Variants in MIPOL1 observed in about 807,000 individuals in gnomAD.
The protein encoded by MIPOL1 is mirror-image polydactyly gene 1 protein.
In MIPOL1, 57 loss-of-function variants were observed where a neutral mutation model predicts 60.9. The ratio of observed to expected loss-of-function variants is 0.94; its 90% CI spans 0.76 to 1.17. MIPOL1 has a LOEUF of 1.17. MIPOL1 is among the 50% of genes most tolerant of loss of function. MIPOL1 has a pLI of 0.00. For synonymous variants in MIPOL1, 179 were observed against 168.8 expected (o/e 1.06, Z -0.47); for missense variants, 551 against 511.6 (o/e 1.08, Z -0.74).
chr14:37,201,902 A>G (rs760028506), intron 1 of MIPOL1, among the ~76,000 whole-genome samples: 7 of 152,148 alleles, frequency 4.6e-5, no homozygotes, highest in Non-Finnish European at 1.0e-4. Flanking sequence ...TGGTGCAATC[A>G]TAGCTCACTG....
At chr14:37,487,738 A>G (rs1017978818) in intron 11 of MIPOL1, among the ~76,000 whole-genome samples, 1 of 151,458 alleles carries the variant, frequency 6.6e-6, no homozygotes, top group Non-Finnish European at 1.5e-5. Flanking sequence ...TTTCTTCTTT[A>G]TTAGTCTGGC....
chr14:37,373,206 A>G (rs1375418036), intron 10 of MIPOL1, among the ~76,000 whole-genome samples: 1 of 151,880 alleles, frequency 6.6e-6, no homozygotes, highest in African/African-American at 2.4e-5. Context: ...TTTTGTCACA[A>G]TGCCCACACT....
At chr14:37,289,303 G>C (rs1950606209) in intron 7 of MIPOL1, among the ~76,000 whole-genome samples, 2 of 152,204 alleles carry the variant, frequency 1.3e-5, no homozygotes, top group Non-Finnish European at 2.9e-5. Flanking sequence ...GTGGACACCA[G>C]CTGAGTGTCC....
chr14:37,268,033 C>T (rs766058644), intron 4 of MIPOL1, among the ~76,000 whole-genome samples: 3 of 152,056 alleles, frequency 2.0e-5, no homozygotes, highest in Admixed American at 6.6e-5. Flanking sequence ...GATTAAGGAA[C>T]TTTGATAATT....
intron 9 of MIPOL1, among the ~76,000 whole-genome samples, chr14:37,341,559 A>G (rs2090574723): frequency 6.6e-6 from 1 of 152,290 alleles, no homozygotes. Flanking sequence ...CCTAAGTATT[A>G]CTTAAAAAAT....
At chr14:37,235,674 C>G (rs1299990809) in intron 1 of MIPOL1, among the ~76,000 whole-genome samples, 1 of 152,092 alleles carries the variant, frequency 6.6e-6, no homozygotes, top group Non-Finnish European at 1.5e-5. Context: ...AGAAACGTTA[C>G]TGTTAGTAAC....
chr14:37,273,789 C>T (rs2083458793), intron 6 of MIPOL1, among the ~76,000 whole-genome samples: 1 of 151,346 alleles, frequency 6.6e-6, no homozygotes, highest in Non-Finnish European at 1.5e-5. Context: ...GGTTTATCTT[C>T]TCCGATGTAA....
chr14:37,492,161 G>A (rs574066660), intron 11 of MIPOL1, among the ~76,000 whole-genome samples: 1 of 152,190 alleles, frequency 6.6e-6, no homozygotes, highest in Non-Finnish European at 1.5e-5. Flanking sequence ...TTCTTGAAAG[G>A]GTCTTAGCAA....
At chr14:37,235,538 CTATT>C (rs962181510) in intron 1 of MIPOL1, among the ~76,000 whole-genome samples, 4 of 152,002 alleles carry the variant, frequency 2.6e-5, no homozygotes, top group Non-Finnish European at 4.4e-5. Flanking sequence ...TGTTAGAGGA[CTATT>C]TATTAATCAC....
chr14:37,218,418 C>T (rs1237097755), intron 1 of MIPOL1, among the ~76,000 whole-genome samples: 1 of 151,902 alleles, frequency 6.6e-6, no homozygotes, highest in African/African-American at 2.4e-5. Context: ...GAACTCCTGA[C>T]CTCAAGTGAT....
intron 12 of MIPOL1, among the ~76,000 whole-genome samples, chr14:37,538,161 T>C (rs1230991713): frequency 6.6e-6 from 1 of 152,178 alleles, no homozygotes; most frequent in Non-Finnish European, 1.5e-5. Context: ...GCCTTGCAGG[T>C]CTAGCTACAT....
At chr14:37,238,567 T>A (rs1447120027) in intron 1 of MIPOL1, among the ~76,000 whole-genome samples, 2 of 152,178 alleles carry the variant, frequency 1.3e-5, no homozygotes, top group Non-Finnish European at 2.9e-5. Context: ...ATATAAAATG[T>A]CAGGTTAGTC....
At chr14:37,276,250 T>C (rs1406466487) in intron 6 of MIPOL1, 3 of 151,060 alleles carry the variant, frequency 2.0e-5, no homozygotes, top group Non-Finnish European at 4.5e-5. Flanking sequence ...CATGCAAATT[T>C]AGACTGATAT....
chr14:37,485,271 T>G (rs2094930073), intron 11 of MIPOL1, among the ~76,000 whole-genome samples: 1 of 152,244 alleles, frequency 6.6e-6, no homozygotes, highest in Non-Finnish European at 1.5e-5. Flanking sequence ...TTTGCTATTG[T>G]GAACAGTGCC....
intron 6 of MIPOL1, among the ~76,000 whole-genome samples, chr14:37,281,468 G>A (rs1041496679): frequency 2.6e-5 from 4 of 152,080 alleles, no homozygotes; most frequent in Non-Finnish European, 5.9e-5. Context: ...ACAGTGGCAC[G>A]ATCTCAGCTT....
At chr14:37,248,462 G>C (rs1973536998) in intron 3 of MIPOL1, among the ~76,000 whole-genome samples, 1 of 151,734 alleles carries the variant, frequency 6.6e-6, no homozygotes, top group Non-Finnish European at 1.5e-5. Flanking sequence ...TATAGTGAGG[G>C]ACAGAGAAAA....
chr14:37,395,492 T>TTTTA (rs1017900782), intron 10 of MIPOL1, among the ~76,000 whole-genome samples: 6 of 152,120 alleles, frequency 3.9e-5, no homozygotes, highest in Admixed American at 6.6e-5. Flanking sequence ...TTCCTAAATA[T>TTTTA]TTTATTTATT....
chr14:37,351,878 T>C (rs1358513449), intron 9 of MIPOL1, among the ~76,000 whole-genome samples: 1 of 151,484 alleles, frequency 6.6e-6, no homozygotes, highest in Non-Finnish European at 1.5e-5. Context: ...ACTCTGATGG[T>C]AGTTTCTCTT....
intron 10 of MIPOL1, among the ~76,000 whole-genome samples, chr14:37,395,647 G>A (rs2093357292): frequency 6.6e-6 from 1 of 152,076 alleles, no homozygotes; most frequent in African/African-American, 2.4e-5. Flanking sequence ...TCAGTTCTAG[G>A]AGCTTTCTGG....
Sources: allele counts gnomAD v4.1 joint callset (sites outside exome capture counted in the v4.1 genomes callset), GRCh38; gene constraint gnomAD v4.1.1; transcripts MANE v1.5; gene names NCBI Gene and HGNC (gene_info 2026-07-23, HGNC 2026-07-21).